COLEC10: variants seen among roughly 807,000 people sequenced by gnomAD.
The protein encoded by COLEC10 is collectin-10.
COLEC10 carries 22 observed loss-of-function variants against 28.4 expected under a neutral mutation model. That is an observed-to-expected ratio of 0.78 (90% confidence interval 0.55 to 1.11). COLEC10 has a LOEUF of 1.11. Ranked by LOEUF, COLEC10 falls within the 50% of genes least tolerant of loss-of-function variation. COLEC10 has a pLI of 0.00. For missense variants in COLEC10, 361 were observed against 344.1 expected, an observed-to-expected ratio of 1.05 and a Z score of -0.39; for synonymous variants, 125 against 116.1, an observed-to-expected ratio of 1.08 and a Z score of -0.49.
At chr8:118,959,322 A>T in the COLEC10 span, among the ~76,000 whole-genome samples, 2 of 152,212 alleles carry the variant, frequency 1.3e-5, no homozygotes, top group Non-Finnish European at 2.9e-5. Context: ...TGTAGACTGA[A>T]AACAATAGAG....
At chr8:118,998,522 G>C (rs894382724) in intron 1 of COLEC10, among the ~76,000 whole-genome samples, 1 of 152,020 alleles carries the variant, frequency 6.6e-6, no homozygotes, top group African/African-American at 2.4e-5. Flanking sequence ...TTACCATCTT[G>C]TGCATGTGAT....
chr8:119,013,417 G>A (rs1813934553), intron 2 of COLEC10, among the ~76,000 whole-genome samples: 2 of 150,566 alleles, frequency 1.3e-5, no homozygotes. Flanking sequence ...AAGTGAGCTT[G>A]AGAAGAATGT....
At chr8:118,964,323 G>A in the COLEC10 span, among the ~76,000 whole-genome samples, 1 of 151,868 alleles carries the variant, frequency 6.6e-6, no homozygotes, top group Admixed American at 6.6e-5. Flanking sequence ...CAAATATATC[G>A]ATCCCTTCTC....
chr8:118,979,249 C>T, the COLEC10 span, among the ~76,000 whole-genome samples: 10,278 of 152,038 alleles, frequency 0.068, 606 homozygotes, highest in East Asian at 0.16. Flanking sequence ...AGCTCCACCA[C>T]TTAGAACTGT....
intron 1 of COLEC10, among the ~76,000 whole-genome samples, chr8:118,995,972 CACAG>C (rs757481410): frequency 3.2e-4 from 48 of 152,104 alleles, no homozygotes; most frequent in Non-Finnish European, 5.4e-4. Context: ...TACAATGTTG[CACAG>C]ACAGTTTCTA....
Position 119,041,181 on chromosome 8 carries a change from C to T in COLEC10, n.235+31628C>T, listed in dbSNP as rs148744167. Among the ~76,000 whole-genome samples the T allele has an allele frequency of 1.8e-3, 270 of 152,244 alleles. 1 individual carries two copies. Among genetic ancestry groups the T allele is most frequent in the African/African-American group, 6.3e-3 (261 of 41,564 alleles). Reference sequence around the variant, plus strand: ...TGGAGCTCAGTCTCAAACCTAGCTTCGCCTCCTCCAAAGCTAGTGCTGCAT... The same window carrying T: ...TGGAGCTCAGTCTCAAACCTAGCTTTGCCTCCTCCAAAGCTAGTGCTGCAT... On this transcript the variant is annotated intron_variant and non_coding_transcript_variant, in intron 2 of 6. Transcript: ENST00000521788.
At chr8:119,025,731 T>G (rs760476237) in intron 2 of COLEC10, among the ~76,000 whole-genome samples, 4 of 152,188 alleles carry the variant, frequency 2.6e-5, no homozygotes, top group Non-Finnish European at 4.4e-5. Context: ...GCAACCATAT[T>G]GCTCTAGGTT....
chr8:119,101,396 C>T (rs554520531), intron 3 of COLEC10, among the ~76,000 whole-genome samples: 1 of 152,228 alleles, frequency 6.6e-6, no homozygotes, highest in East Asian at 1.9e-4. Flanking sequence ...AAATCAAAAG[C>T]TTTTGCTTTC....
chr8:119,078,005 C>G (rs73327207), intron 1 of COLEC10, among the ~76,000 whole-genome samples: 1 of 151,962 alleles, frequency 6.6e-6, no homozygotes, highest in Non-Finnish European at 1.5e-5. Flanking sequence ...AAAGAAAGGA[C>G]GATAGTGTCA....
rs573314317 is a variant in COLEC10 at position 119,058,634 on chromosome 8, G to A, written n.236-31046G>A. On this transcript the variant is annotated intron_variant and non_coding_transcript_variant, in intron 2 of 6. Coordinates refer to the COLEC10 transcript ENST00000521788. ...TTTTATCGTTGAATAGCATTCCATT[G>A]TATAGATACACAACATTCTGTTTAC... Among the ~76,000 whole-genome samples the A allele has an allele frequency of 5.3e-5, 8 of 152,084 alleles. No individual in the cohort carries two copies. In the South Asian group the frequency reaches 1.7e-3, roughly 32 times the overall value.
the COLEC10 span, among the ~76,000 whole-genome samples, chr8:118,963,033 G>A: frequency 6.6e-6 from 1 of 152,188 alleles, no homozygotes; most frequent in East Asian, 1.9e-4. Flanking sequence ...TGAAACTGAG[G>A]GTGTGAAAGA....
In COLEC10 at chr8:119,092,838, G is replaced by A. The variant is rs373966578; in HGVS notation, c.292+1618G>A. Among the ~76,000 whole-genome samples, 14 of 152,142 alleles carry A rather than the reference G, an allele frequency of 9.2e-5. No homozygotes were observed. The East Asian group carries it at 9.7e-4, about 11-fold the overall frequency. ...CAAGAATCGCTTGAACCTGGGAGGCGGAGTTTGCATTGAGCCAAGATCATG... is the reference window on the plus strand; with the variant it reads ...CAAGAATCGCTTGAACCTGGGAGGCAGAGTTTGCATTGAGCCAAGATCATG... On this transcript the variant is annotated intron_variant, in intron 3 of 5. Coordinates refer to ENST00000332843, the MANE Select transcript of COLEC10 (RefSeq NM_006438.5).
the COLEC10 span, among the ~76,000 whole-genome samples, chr8:118,957,912 C>G: frequency 6.6e-6 from 1 of 152,190 alleles, no homozygotes; most frequent in Non-Finnish European, 1.5e-5. Flanking sequence ...AGTTCCTCTC[C>G]TGGGAAGTGG....
chr8:118,971,153 T>A, the COLEC10 span, among the ~76,000 whole-genome samples: 9 of 151,910 alleles, frequency 5.9e-5, no homozygotes, highest in East Asian at 1.7e-3. Context: ...CATATTTTAA[T>A]CTTGATAGGG....
At chr8:119,025,750 A>G (rs1470275617) in intron 2 of COLEC10, among the ~76,000 whole-genome samples, 2 of 152,190 alleles carry the variant, frequency 1.3e-5, no homozygotes, top group African/African-American at 4.8e-5. Context: ...TTCTCTGTGT[A>G]CATGCAGCAG....
chr8:119,025,432 C>T (rs1328959638), intron 2 of COLEC10, among the ~76,000 whole-genome samples: 1 of 152,170 alleles, frequency 6.6e-6, no homozygotes, highest in Non-Finnish European at 1.5e-5. Flanking sequence ...GTGGGAAACA[C>T]TCTCTGTGGT....
At chr8:118,974,709 G>T in the COLEC10 span, among the ~76,000 whole-genome samples, 2 of 152,036 alleles carry the variant, frequency 1.3e-5, no homozygotes, top group African/African-American at 4.8e-5. Flanking sequence ...TTCCAAATCT[G>T]AAAAGCCAAA....
chr8:119,051,737 T>A (rs1814679607), intron 2 of COLEC10, among the ~76,000 whole-genome samples: 1 of 152,162 alleles, frequency 6.6e-6, no homozygotes, highest in African/African-American at 2.4e-5. Context: ...CATTTAAATT[T>A]TCAGTTTCTT....
At chr8:119,049,566 C>A (rs545773332) in intron 2 of COLEC10, among the ~76,000 whole-genome samples, 2 of 151,918 alleles carry the variant, frequency 1.3e-5, no homozygotes, top group South Asian at 2.1e-4. Flanking sequence ...AGGCGCCCAC[C>A]ACCACACCCG....
Sources: allele counts gnomAD v4.1 joint callset (sites outside exome capture counted in the v4.1 genomes callset), GRCh38; gene constraint gnomAD v4.1.1; transcripts MANE v1.5; gene names NCBI Gene and HGNC (gene_info 2026-07-23, HGNC 2026-07-21).